The following DHRS3 variants were observed in gnomAD, a reference collection of about 807,000 sequenced individuals.
DHRS3 encodes the protein short-chain dehydrogenase/reductase 3.
DHRS3 carries 14 observed loss-of-function variants against 27.2 expected under a neutral mutation model. The ratio of observed to expected loss-of-function variants is 0.52; its 90% confidence interval spans 0.34 to 0.81. DHRS3 has a LOEUF of 0.81. Ranked by LOEUF, DHRS3 falls within the 30% of genes least tolerant of loss-of-function variation. The pLI, the probability that DHRS3 is intolerant of heterozygous loss-of-function variation, is 0.01. For synonymous variants in DHRS3, 165 were observed against 175.9 expected (o/e 0.94, Z 0.49); for missense variants, 322 against 406.2 (o/e 0.79, Z 1.78).
intron 1 of DHRS3, among the ~76,000 whole-genome samples, chr1:12,615,579 A>G (rs920621387): frequency 6.6e-6 from 1 of 152,146 alleles, no homozygotes; most frequent in African/African-American, 2.4e-5. Context: ...GTAGTCAGCT[A>G]CAAGAACAGT....
At position 12,608,481 on chromosome 1, in the gene DHRS3, T is replaced by C. The variant is rs1447372694; in HGVS notation, c.195+8673A>G. 1.3e-5 allele frequency among the ~76,000 whole-genome samples: 2 copies of C among 152,148 alleles called. No homozygotes were observed. Among genetic ancestry groups the C allele is most frequent in the Non-Finnish European group, 2.9e-5 (2 of 68,024 alleles). On this transcript the variant is annotated intron_variant, in intron 1 of 5. Coordinates refer to ENST00000616661, the MANE Select transcript of DHRS3 (RefSeq NM_004753.7). The surrounding 1 kb of genome is among the most constrained non-coding windows in gnomAD (Gnocchi z 4.1). ...TGACATCACTGCTGGAGGATCCTGC[T>C]GAAGTCATGCTGAGAAGGGCTGCCT...
intron 1 of DHRS3, 108 bp from the exon 2 acceptor site, chr1:12,580,774 G>C: frequency 7.6e-7 from 1 of 1,323,340 alleles, no homozygotes; most frequent in Non-Finnish European, 1.0e-6. Context: ...GAAATGACTG[G>C]CCTCCCTGGT....
At chr1:12,600,245 A>T in intron 1 of DHRS3, 1 of 539,088 alleles carries the variant, frequency 1.9e-6, no homozygotes, top group Non-Finnish European at 2.4e-6. Context: ...ACACAATCAC[A>T]CAAACATTTC....
chr1:12,614,041 G>A (rs192574428), intron 1 of DHRS3, among the ~76,000 whole-genome samples: 1,776 of 152,256 alleles, frequency 0.012, 32 homozygotes, highest in African/African-American at 0.04. Context: ...AAAGTGCTGG[G>A]ATTACAGGCA....
intron 4 of DHRS3, among the ~76,000 whole-genome samples, chr1:12,576,628 A>C (rs780181973): frequency 2.0e-5 from 3 of 151,860 alleles, no homozygotes; most frequent in Non-Finnish European, 4.4e-5. Flanking sequence ...GCATTTATTG[A>C]GCACCTTCTG....
In DHRS3 at chr1:12,618,075, C is replaced by T. The variant is rs1646958005; in HGVS notation, c.-727G>A. Among the ~76,000 whole-genome samples, 2 of 152,060 alleles carry T rather than the reference C, an allele frequency of 1.3e-5. No homozygotes were observed. The highest frequency in any genetic ancestry group is 4.8e-5 in the African/African-American group (2 of 41,422). ...CGCGCTCGCTCGCTCCGGCTCCCTC[C>T]CTCCCTCTCTGTTCCAGCAGAGGCT... On this transcript the variant is annotated 5_prime_UTR_variant, in exon 1 of 6. Transcript: ENST00000616661. The surrounding 1 kb of genome is among the most constrained non-coding windows in gnomAD (Gnocchi z 4.2).
At chr1:12,598,607 C>T (rs1646815495) in intron 1 of DHRS3, among the ~76,000 whole-genome samples, 1 of 152,214 alleles carries the variant, frequency 6.6e-6, no homozygotes, top group African/African-American at 2.4e-5. Context: ...GTAACTATCA[C>T]TGTGATTACG....
In DHRS3 at chr1:12,591,583, G is replaced by A. The variant is rs1278377840; in HGVS notation, c.196-10917C>T. The stretch of plus-strand genomic sequence containing the variant: ...GAGGCACAGGAATGACAGTAGCTCT[G>A]ACATGCACGTGGGGCTCACTAGCTG... On this transcript the variant is annotated intron_variant, in intron 1 of 5. Coordinates refer to ENST00000616661, the MANE Select transcript of DHRS3 (RefSeq NM_004753.7). The surrounding 1 kb of genome is among the most constrained non-coding windows in gnomAD (Gnocchi z 4.1). 1.3e-5 allele frequency among the ~76,000 whole-genome samples: 2 copies of A among 152,268 alleles called. No homozygotes were observed. The highest frequency in any genetic ancestry group is 4.8e-5 in the African/African-American group (2 of 41,480).
chr1:12,585,963 T>A (rs1388185163), intron 1 of DHRS3, among the ~76,000 whole-genome samples: 2 of 152,132 alleles, frequency 1.3e-5, no homozygotes, highest in Non-Finnish European at 2.9e-5. Flanking sequence ...TTAAGCAGGG[T>A]TTATAGAATA....
intron 1 of DHRS3, among the ~76,000 whole-genome samples, chr1:12,583,209 CATCT>C (rs147422672): frequency 0.038 from 5,656 of 148,034 alleles, 141 homozygotes; most frequent in East Asian, 0.15. Context: ...CCCATCCATC[CATCT>C]ATCCATCCCT....
chr1:12,609,615 T>C (rs1197183131), intron 1 of DHRS3, among the ~76,000 whole-genome samples: 1 of 152,142 alleles, frequency 6.6e-6, no homozygotes, highest in African/African-American at 2.4e-5. Context: ...CTGGGTGATA[T>C]TTTTGGAGGA....
intron 1 of DHRS3, chr1:12,616,718 G>C (rs1392640155): frequency 9.9e-7 from 1 of 1,009,584 alleles, no homozygotes; most frequent in Non-Finnish European, 1.2e-6. Context: ...GCTGGGTAGC[G>C]GGTTGCCAAG....
chr1:12,592,472 G>T lies in DHRS3; in HGVS notation c.196-11806C>A, dbSNP rs1230311434. 6.6e-6 allele frequency among the ~76,000 whole-genome samples: 1 copy of T among 152,202 alleles called. No homozygotes were observed. The highest frequency in any genetic ancestry group is 1.5e-5 in the Non-Finnish European group (1 of 68,022). On this transcript the variant is annotated intron_variant, in intron 1 of 5. Coordinates refer to ENST00000616661, the MANE Select transcript of DHRS3 (RefSeq NM_004753.7). This position sits in a 1 kb window ranked among gnomAD's most constrained non-coding sequence, Gnocchi z 4.2. ...AGGAGAGGAAGGCCGCGTGAAGATG[G>T]AAGCAGAGACGGCAGTGAGGCGGCC... is the stretch of plus-strand genomic sequence containing the variant.
In DHRS3 at chr1:12,608,900, A is replaced by G. The variant is rs1646888700; in HGVS notation, c.195+8254T>C. On this transcript the variant is annotated intron_variant, in intron 1 of 5. Transcript: ENST00000616661. The surrounding 1 kb of genome is among the most constrained non-coding windows in gnomAD (Gnocchi z 4.1). ...TCAACTATACTCCCATGGATTTGCC[A>G]CCCAACCTAAGTCATGGCTTCTAGC... Among the ~76,000 whole-genome samples, 1 of 152,052 alleles carries G rather than the reference A, an allele frequency of 6.6e-6. No individual in the cohort carries two copies. Among genetic ancestry groups the G allele is most frequent in the East Asian group, 1.9e-4 (1 of 5,184 alleles).
chr1:12,616,760 C>A, intron 1 of DHRS3: 3 of 1,024,648 alleles, frequency 2.9e-6, no homozygotes, highest in Non-Finnish European at 3.5e-6. Context: ...GCAGGCGGCT[C>A]CCAGCTCTAC....
intron 1 of DHRS3, among the ~76,000 whole-genome samples, chr1:12,580,886 G>A (rs61776832): frequency 0.14 from 20,647 of 152,080 alleles, 1,829 homozygotes; most frequent in Non-Finnish European, 0.21. Flanking sequence ...GCAGCAGTGC[G>A]ATCATAGCTC....
At chr1:12,584,892 TG>T (rs1440721537) in intron 1 of DHRS3, among the ~76,000 whole-genome samples, 6 of 152,244 alleles carry the variant, frequency 3.9e-5, no homozygotes, top group African/African-American at 1.4e-4. Flanking sequence ...TGTGTGTGTG[TG>T]TGTCTGTGTG....
At position 12,574,098 on chromosome 1, in the gene DHRS3, G is replaced by T. The variant is rs1038724677; in HGVS notation, c.699-1245C>A. ...GGCAGCCCTTGGACTCCCAGCAGGG[G>T]TTTGGCCTCAGAGGGTACATGAATC... On this transcript the variant is annotated intron_variant, in intron 4 of 5. Transcript: ENST00000616661. The surrounding 1 kb of genome is among the most constrained non-coding windows in gnomAD (Gnocchi z 4.6). Among the ~76,000 whole-genome samples the T allele has an allele frequency of 1.3e-5, 2 of 152,208 alleles. No individual in the cohort carries two copies. The highest frequency in any genetic ancestry group is 4.8e-5 in the African/African-American group (2 of 41,450).
intron 1 of DHRS3, among the ~76,000 whole-genome samples, chr1:12,614,913 G>A (rs1398265640): frequency 1.3e-5 from 2 of 152,042 alleles, no homozygotes; most frequent in African/African-American, 4.8e-5. Context: ...CAGGCTGCGG[G>A]TGGCACTGGA....
Sources: gnomAD v4.1 joint callset for allele counts (sites outside exome capture counted in the v4.1 genomes callset) on GRCh38, gnomAD v4.1.1 for gene constraint, Gnocchi (gnomAD v3.1) non-coding constraint, MANE v1.5 for transcripts, NCBI Gene and HGNC (gene_info 2026-07-23, HGNC 2026-07-21) for gene names.